CERS6: variants seen among roughly 807,000 people sequenced by gnomAD.
CERS6 encodes LAG1 homolog, ceramide synthase 6.
In CERS6, 26 loss-of-function variants were observed where a neutral mutation model predicts 56.8. That is an observed-to-expected ratio of 0.46 (90% CI 0.34 to 0.63). The LOEUF (loss-of-function observed/expected upper bound fraction) is 0.63. Among genes scored for constraint, CERS6 ranks in the 30% least tolerant of loss-of-function variants. The pLI is 0.01. For synonymous variants in CERS6, 164 were observed against 173.3 expected, an observed-to-expected ratio of 0.95 and a Z score of 0.42; for missense variants, 415 against 467.5, an observed-to-expected ratio of 0.89 and a Z score of 1.04.
At chr2:168,602,642 G>A (rs1204891380) in intron 3 of CERS6, among the ~76,000 whole-genome samples, 1 of 152,188 alleles carries the variant, frequency 6.6e-6, no homozygotes. Context: ...ATGCAGAGTG[G>A]TCAGTGGGTA....
rs149513176 is a variant in CERS6 at position 168,666,051 on chromosome 2, C to A, written c.466-24983C>A. Among the ~76,000 whole-genome samples the A allele has an allele frequency of 8.0e-3, 1,210 of 151,396 alleles. 13 individuals carry two copies. Among genetic ancestry groups the A allele is most frequent in the African/African-American group, 0.027 (1,125 of 41,138 alleles). On this transcript the variant is annotated intron_variant, in intron 4 of 9. Transcript: ENST00000305747. ...ATGGAGTATTCCCATATACCCTTCA[C>A]CCTGCCATCATCACCCCCTGACCCC...
chr2:168,733,015 CATCAG>C (rs1226109225), intron 8 of CERS6, among the ~76,000 whole-genome samples: 5 of 152,070 alleles, frequency 3.3e-5, no homozygotes, highest in Admixed American at 2.6e-4. Context: ...ATATGATCTA[CATCAG>C]ATAAGTATCA....
intron 1 of CERS6, among the ~76,000 whole-genome samples, chr2:168,542,429 A>G (rs1360438603): frequency 6.6e-6 from 1 of 152,178 alleles, no homozygotes; most frequent in Non-Finnish European, 1.5e-5. Context: ...GTACTCATTT[A>G]TATATGTGTG....
At chr2:168,490,248 G>A (rs75101554) in intron 1 of CERS6, among the ~76,000 whole-genome samples, 1 of 152,132 alleles carries the variant, frequency 6.6e-6, no homozygotes, top group Admixed American at 6.5e-5. Context: ...TAGGGGATTC[G>A]CTTCTCCATT....
chr2:168,526,441 C>G (rs1695073458), intron 1 of CERS6, among the ~76,000 whole-genome samples: 1 of 152,210 alleles, frequency 6.6e-6, no homozygotes, highest in South Asian at 2.1e-4. Context: ...TTATTAATAG[C>G]TCTTTAACTT....
intron 8 of CERS6, among the ~76,000 whole-genome samples, chr2:168,747,025 A>G (rs1684128982): frequency 6.6e-6 from 1 of 151,756 alleles, no homozygotes; most frequent in South Asian, 2.1e-4. Context: ...TTTTATACAT[A>G]TGTGTGTAAA....
At chr2:168,499,514 T>C (rs1324722169) in intron 1 of CERS6, among the ~76,000 whole-genome samples, 2 of 152,168 alleles carry the variant, frequency 1.3e-5, no homozygotes, top group Non-Finnish European at 2.9e-5. Context: ...GTAAGATCAT[T>C]GAGGGGGTCT....
chr2:168,698,014 A>G (rs1311920206), intron 6 of CERS6, among the ~76,000 whole-genome samples: 1 of 152,170 alleles, frequency 6.6e-6, no homozygotes, highest in Admixed American at 6.5e-5. Flanking sequence ...ACCTGTGGCC[A>G]GGCATGGTGA....
intron 1 of CERS6, among the ~76,000 whole-genome samples, chr2:168,503,982 T>A (rs1002621483): frequency 9.9e-5 from 15 of 152,036 alleles, no homozygotes; most frequent in African/African-American, 3.1e-4. Context: ...CCTAAAGGGG[T>A]TAATGTGTGT....
At chr2:168,675,857 T>G (rs1686045524) in intron 4 of CERS6, among the ~76,000 whole-genome samples, 1 of 151,860 alleles carries the variant, frequency 6.6e-6, no homozygotes, top group African/African-American at 2.4e-5. Flanking sequence ...CAGCTAATTT[T>G]TGTATTTTTA....
At chr2:168,569,401 A>C (rs535641878) in intron 3 of CERS6, among the ~76,000 whole-genome samples, 49 of 152,372 alleles carry the variant, frequency 3.2e-4, no homozygotes, top group African/African-American at 1.1e-3. Context: ...GCAGTGAGTT[A>C]CTGTGAAGTG....
intron 8 of CERS6, among the ~76,000 whole-genome samples, chr2:168,749,996 A>G (rs1432636968): frequency 6.6e-6 from 1 of 152,224 alleles, no homozygotes; most frequent in East Asian, 1.9e-4. Context: ...TTCTAGGGAA[A>G]GCGTAGTAAC....
chr2:168,470,683 G>C lies in CERS6; in HGVS notation c.170+14065G>C, dbSNP rs114472228. Among the ~76,000 whole-genome samples the C allele has an allele frequency of 2.7e-3, 412 of 152,160 alleles. 2 individuals are homozygous for C. The highest frequency in any genetic ancestry group is 9.1e-3 in the African/African-American group (379 of 41,550). ...TCCCACACTTAAATGGCTGCTTGCA[G>C]AATTGCAAAGGGACTAGGGAGAGAA... is the stretch of plus-strand genomic sequence containing the variant. On this transcript the variant is annotated intron_variant, in intron 1 of 9. Transcript: ENST00000305747.
intron 4 of CERS6, among the ~76,000 whole-genome samples, chr2:168,650,247 A>C (rs905984092): frequency 7.9e-5 from 12 of 152,174 alleles, no homozygotes; most frequent in African/African-American, 2.9e-4. Context: ...GCTTTCTTGC[A>C]GACACTGGAG....
rs545996995 is a variant in CERS6, at chr2:168,508,747, A to G, written c.171-38849A>G. On this transcript the variant is annotated intron_variant, in intron 1 of 9. Coordinates refer to ENST00000305747, the MANE Select transcript of CERS6 (RefSeq NM_203463.3). Reference sequence around the variant, plus strand: ...GTAGGGGAGGGGAGAGCATTAGGAGAAATACCTAATGTAGATGATGGGTTG... The same window carrying G: ...GTAGGGGAGGGGAGAGCATTAGGAGGAATACCTAATGTAGATGATGGGTTG... Among the ~76,000 whole-genome samples the G allele has an allele frequency of 4.6e-5, 7 of 152,256 alleles. No homozygotes were observed. The South Asian group carries it at 1.5e-3, about 32-fold the overall frequency.
At chr2:168,533,373 G>A (rs1250992975) in intron 1 of CERS6, among the ~76,000 whole-genome samples, 1 of 152,122 alleles carries the variant, frequency 6.6e-6, no homozygotes, top group African/African-American at 2.4e-5. Context: ...GGAATAGACT[G>A]GAATAGTTTG....
chr2:168,538,168 A>G (rs1695299703), intron 1 of CERS6, among the ~76,000 whole-genome samples: 1 of 151,682 alleles, frequency 6.6e-6, no homozygotes, highest in African/African-American at 2.4e-5. Flanking sequence ...TGATTCTCTT[A>G]GGACAGAATA....
chr2:168,671,986 A>C (rs1685930450), intron 4 of CERS6, among the ~76,000 whole-genome samples: 1 of 152,222 alleles, frequency 6.6e-6, no homozygotes, highest in South Asian at 2.1e-4. Flanking sequence ...GTGGAATTAC[A>C]CCTTAGCTTC....
At chr2:168,487,761 A>G (rs1694300702) in intron 1 of CERS6, among the ~76,000 whole-genome samples, 2 of 152,188 alleles carry the variant, frequency 1.3e-5, no homozygotes, top group Admixed American at 6.6e-5. Context: ...TCATTCTGTC[A>G]CCTAGGCTGG....
Sources: allele counts gnomAD v4.1 joint callset (sites outside exome capture counted in the v4.1 genomes callset), GRCh38; gene constraint gnomAD v4.1.1; transcripts MANE v1.5; gene names NCBI Gene and HGNC (gene_info 2026-07-23, HGNC 2026-07-21).